PROS1: variants seen among roughly 807,000 people sequenced by gnomAD.
The protein encoded by PROS1 is protein S.
In PROS1, 29 loss-of-function variants were observed where a neutral mutation model predicts 75.9. That is an observed-to-expected ratio of 0.38 (90% CI 0.28 to 0.52). The LOEUF is 0.52. Ranked by LOEUF, PROS1 falls within the 20% of genes least tolerant of loss-of-function variation. PROS1 has a pLI of 0.83. For synonymous variants in PROS1, 245 were observed against 280.6 expected, an observed-to-expected ratio of 0.87 and a Z score of 1.27; for missense variants, 680 against 810.3, an observed-to-expected ratio of 0.84 and a Z score of 1.95.
chr3:93,927,502 A>G (rs1709037585), intron 1 of PROS1, 95 bp from the exon 2 acceptor site: 35 of 1,314,924 alleles, frequency 2.7e-5, no homozygotes, highest in Non-Finnish European at 3.4e-5. Context: ...TTTTCTGCCT[A>G]TGAATTGTAT....
In PROS1 at chr3:93,886,523, T is replaced by A. The variant is rs777608464; in HGVS notation, c.1156-20A>T. On this transcript the variant is annotated intron_variant, in intron 10 of 14. Transcript: ENST00000394236. Reference sequence around the variant, plus strand: ...AGACACCTACAATTAAAAAGAAAAATTACCAAATAACCAAGTATTACTACA... The same window carrying A: ...AGACACCTACAATTAAAAAGAAAAAATACCAAATAACCAAGTATTACTACA... The A allele has an allele frequency of 3.8e-6, 6 of 1,567,678 alleles. No homozygotes were observed. The African/African-American group carries it at 8.1e-5, about 21-fold the overall frequency.
At chr3:93,947,951 T>C (rs1369189058) in intron 1 of PROS1, among the ~76,000 whole-genome samples, 1 of 152,174 alleles carries the variant, frequency 6.6e-6, no homozygotes, top group African/African-American at 2.4e-5. Context: ...GGCACCTAAA[T>C]AGAAGCCTGG....
At chr3:93,953,619 T>A (rs1291293655) in intron 1 of PROS1, among the ~76,000 whole-genome samples, 1 of 152,198 alleles carries the variant, frequency 6.6e-6, no homozygotes, top group African/African-American at 2.4e-5. Flanking sequence ...ACAGCCAGTA[T>A]CATACTGAAT....
intron 9 of PROS1, among the ~76,000 whole-genome samples, chr3:93,896,182 G>C (rs1233088123): frequency 6.6e-6 from 1 of 152,010 alleles, no homozygotes; most frequent in East Asian, 1.9e-4. Context: ...TAATAATTTT[G>C]AATATAATGA....
At chr3:93,953,672 C>T (rs542976020) in intron 1 of PROS1, among the ~76,000 whole-genome samples, 3 of 152,106 alleles carry the variant, frequency 2.0e-5, no homozygotes, top group African/African-American at 7.2e-5. Context: ...GGCACAAGAC[C>T]GGGATGCCCT....
intron 1 of PROS1, among the ~76,000 whole-genome samples, chr3:93,951,020 T>A (rs1029897990): frequency 1.3e-5 from 2 of 151,798 alleles, no homozygotes; most frequent in Non-Finnish European, 2.9e-5. Flanking sequence ...ATGAATGAAA[T>A]GAAGTGAGAA....
In PROS1 at chr3:93,879,305, G is replaced by T; in HGVS notation, c.1502C>A (p.Ser501Tyr). 1 of 1,613,868 alleles carries T rather than the reference G, an allele frequency of 6.2e-7. No homozygotes were observed. The highest frequency in any genetic ancestry group is 1.1e-5 in the South Asian group (1 of 91,066). Residue 501 changes from serine to tyrosine, a missense_variant, in exon 13 of 15, where the codon TCC becomes TAC. Ser to Tyr is a moderately radical substitution (Grantham distance 144, BLOSUM62 -2). Transcript: ENST00000394236. ...ATTTACATGCCAACCCTCAGCACTG[G>T]ATACATTATCTATTTAAAATAATGA... ...AQFHIDYNNVSSAEGWHVNVT... is the reference protein window; with the variant it reads ...AQFHIDYNNVYSAEGWHVNVT...
chr3:93,905,650 G>T (rs1339958862), intron 6 of PROS1, 134 bp downstream of exon 6: 19 of 944,290 alleles, frequency 2.0e-5, no homozygotes, highest in Middle Eastern at 3.2e-4. Flanking sequence ...GTATCACAAG[G>T]CTTCAATGTC....
At chr3:93,927,850 CAT>C (rs62909461) in intron 1 of PROS1, among the ~76,000 whole-genome samples, 37,563 of 117,558 alleles carry the variant, frequency 0.32, 6,281 homozygotes, top group African/African-American at 0.49. Flanking sequence ...AAAAAACAAA[CAT>C]ATATATATAT....
chr3:93,906,042 G>C lies in PROS1; in HGVS notation c.448C>G (p.Gln150Glu). The C allele has an allele frequency of 6.2e-7, 1 of 1,614,054 alleles. No homozygotes were observed. Among genetic ancestry groups the C allele is most frequent in the Non-Finnish European group, 8.5e-7 (1 of 1,180,002 alleles). ...GTACCAAATTCACACTTTTCTCCTTGCCAACCTGGTTTACAAGTGCAAGTA... is the reference window on the plus strand; with the variant it reads ...GTACCAAATTCACACTTTTCTCCTTCCCAACCTGGTTTACAAGTGCAAGTA... Reference protein sequence around the residue: ...SFTCTCKPGWQGEKCEFDINE... With the variant: ...SFTCTCKPGWEGEKCEFDINE... Residue 150 changes from glutamine (Q) to glutamate (E), a missense_variant, in exon 5 of 15, where the codon CAA becomes GAA. Physicochemically the swap from Gln to Glu is conservative, Grantham distance 29 (BLOSUM62 2). Transcript: ENST00000394236.
intron 7 of PROS1, among the ~76,000 whole-genome samples, chr3:93,899,788 A>G (rs929636471): frequency 7.2e-5 from 11 of 152,198 alleles, no homozygotes; most frequent in Admixed American, 6.6e-4. Flanking sequence ...CTAATAAAAG[A>G]AAACTCACTG....
chr3:93,887,347 G>A (rs1378829909), intron 10 of PROS1, among the ~76,000 whole-genome samples: 1 of 152,110 alleles, frequency 6.6e-6, no homozygotes, highest in African/African-American at 2.4e-5. Context: ...AATTAAATTG[G>A]AGTTTTCCAA....
chr3:93,951,165 C>T (rs1366437245), intron 1 of PROS1, among the ~76,000 whole-genome samples: 5 of 152,154 alleles, frequency 3.3e-5, no homozygotes, highest in African/African-American at 4.8e-5. Flanking sequence ...AGTGGGAAAA[C>T]ATTCTTCAGG....
At chr3:93,912,358 C>G (rs1362621515) in intron 3 of PROS1, among the ~76,000 whole-genome samples, 1 of 152,114 alleles carries the variant, frequency 6.6e-6, no homozygotes, top group Non-Finnish European at 1.5e-5. Flanking sequence ...ATAATGTCTC[C>G]ATGGAAAGAT....
intron 1 of PROS1, 58 bp downstream of exon 1, chr3:93,973,616 G>T: frequency 6.4e-7 from 1 of 1,560,920 alleles, no homozygotes; most frequent in Non-Finnish European, 8.8e-7. Flanking sequence ...ACCAACCAGG[G>T]CACGCAGTTC....
intron 1 of PROS1, among the ~76,000 whole-genome samples, chr3:93,945,982 T>C (rs1709388313): frequency 1.3e-5 from 2 of 152,130 alleles, no homozygotes; most frequent in Non-Finnish European, 1.5e-5. Context: ...AAAATCAATA[T>C]GCAAAAATCA....
chr3:93,944,500 C>G (rs201088140), intron 1 of PROS1, among the ~76,000 whole-genome samples: 7 of 151,692 alleles, frequency 4.6e-5, no homozygotes, highest in South Asian at 2.1e-4. Context: ...GATTAAGAAA[C>G]TCACTCAAAA....
chr3:93,963,365 G>A (rs1709737184), intron 1 of PROS1, among the ~76,000 whole-genome samples: 1 of 152,052 alleles, frequency 6.6e-6, no homozygotes, highest in Non-Finnish European at 1.5e-5. Flanking sequence ...TAAATAAGAT[G>A]AGCCTAAAGG....
At chr3:93,954,259 C>T (rs1281792222) in intron 1 of PROS1, among the ~76,000 whole-genome samples, 2 of 152,250 alleles carry the variant, frequency 1.3e-5, no homozygotes, top group East Asian at 3.9e-4. Flanking sequence ...AAAGAGCCCG[C>T]ATTGCCAAGA....
Sources: allele counts gnomAD v4.1 joint callset (sites outside exome capture counted in the v4.1 genomes callset), GRCh38; gene constraint gnomAD v4.1.1; transcripts MANE v1.5; gene names NCBI Gene and HGNC (gene_info 2026-07-23, HGNC 2026-07-21).